The following CDADC1 variants were observed in gnomAD, a reference collection of about 807,000 sequenced individuals.
CDADC1 encodes cytidine and dCMP deaminase domain containing 1.
A neutral mutation model predicts 54.9 loss-of-function variants in CDADC1; 39 were observed. The ratio of observed to expected loss-of-function variants is 0.71; its 90% CI spans 0.55 to 0.93. The LOEUF is 0.93. CDADC1 is among the 40% of genes least tolerant of loss of function. The pLI is 0.00. For synonymous variants in CDADC1, 186 were observed against 204.0 expected, an observed-to-expected ratio of 0.91 and a Z score of 0.75; for missense variants, 518 against 618.8, an observed-to-expected ratio of 0.84 and a Z score of 1.73.
intron 2 of CDADC1, among the ~76,000 whole-genome samples, chr13:49,252,429 A>G (rs1012021488): frequency 1.3e-5 from 2 of 152,212 alleles, no homozygotes; most frequent in Non-Finnish European, 1.5e-5. Context: ...TGTGTTTTAA[A>G]TTCCGAAAAG....
At chr13:49,276,452 C>T (rs1953136283) in intron 6 of CDADC1, among the ~76,000 whole-genome samples, 1 of 152,112 alleles carries the variant, frequency 6.6e-6, no homozygotes, top group Admixed American at 6.5e-5. Context: ...AAAGGTGAGC[C>T]TACATTTTGC....
At chr13:49,248,745 C>T in intron 1 of CDADC1, 126 bp from the exon 2 acceptor site, 2 of 694,142 alleles carry the variant, frequency 2.9e-6, no homozygotes, top group Non-Finnish European at 5.2e-6. Context: ...CTCTTGTCCC[C>T]TATCTTTTTC....
At chr13:49,264,281 A>G (rs1208890242) in intron 4 of CDADC1, among the ~76,000 whole-genome samples, 1 of 152,226 alleles carries the variant, frequency 6.6e-6, no homozygotes, top group Non-Finnish European at 1.5e-5. Context: ...GAAATTATGC[A>G]TGATTATATA....
chr13:49,286,988 C>T (rs1407984185), intron 9 of CDADC1, among the ~76,000 whole-genome samples: 1 of 152,138 alleles, frequency 6.6e-6, no homozygotes, highest in African/African-American at 2.4e-5. Context: ...ATCAGGAGTT[C>T]GAGATCAGCT....
Position 49,291,670 on chromosome 13 carries a change from A to G in CDADC1, c.1472-14A>G. The G allele has an allele frequency of 6.2e-7, 1 of 1,612,196 alleles. No individual in the cohort carries two copies. Among genetic ancestry groups the G allele is most frequent in the Non-Finnish European group, 8.5e-7 (1 of 1,179,332 alleles). ...AATGAAGCTGTCCTGACCTAGCGTTATTCTCAATGCTAGATGGTGTGTTGA... is the reference window on the plus strand; with the variant it reads ...AATGAAGCTGTCCTGACCTAGCGTTGTTCTCAATGCTAGATGGTGTGTTGA... On this transcript the variant is annotated splice_polypyrimidine_tract_variant and intron_variant, in intron 9 of 9. Coordinates refer to ENST00000251108, the MANE Select transcript of CDADC1 (RefSeq NM_030911.4).
chr13:49,247,976 A>G lies in CDADC1; in HGVS notation c.-62A>G, dbSNP rs1214752868. The G allele has an allele frequency of 1.0e-5, 15 of 1,453,282 alleles. No individual in the cohort carries two copies. In the East Asian group the frequency reaches 3.7e-4, roughly 36 times the overall value. The allele number at this position is 1,453,282 out of a possible 1,614,324, so 90.0% of individuals were successfully genotyped here. ...AGAGGAGGCGAGAGGCGGGGGCGCT[A>G]GGGCCGAGATCATGTCTGACTGGGA... On this transcript the variant is annotated 5_prime_UTR_variant, in exon 1 of 10. Coordinates refer to ENST00000251108, the MANE Select transcript of CDADC1 (RefSeq NM_030911.4).
At chr13:49,271,233 C>G (rs1293457645) in intron 5 of CDADC1, among the ~76,000 whole-genome samples, 1 of 108,646 alleles carries the variant, frequency 9.2e-6, no homozygotes, top group East Asian at 2.7e-4. Context: ...CTAGAATACC[C>G]GAAGGTAGCA....
At chr13:49,289,750 G>C (rs112711346) in intron 9 of CDADC1, among the ~76,000 whole-genome samples, 1 of 152,250 alleles carries the variant, frequency 6.6e-6, no homozygotes, top group African/African-American at 2.4e-5. Flanking sequence ...ACCATATATT[G>C]GTTAAATGTG....
intron 4 of CDADC1, among the ~76,000 whole-genome samples, chr13:49,263,330 C>G (rs932335223): frequency 6.6e-6 from 1 of 152,144 alleles, no homozygotes. Context: ...CACTTAGACT[C>G]TTTTGATGGG....
chr13:49,277,277 C>T (rs1022683695), intron 6 of CDADC1, among the ~76,000 whole-genome samples: 1 of 151,638 alleles, frequency 6.6e-6, no homozygotes, highest in African/African-American at 2.4e-5. Flanking sequence ...CCAAGACAAT[C>T]CTGGGCATCA....
intron 2 of CDADC1, among the ~76,000 whole-genome samples, chr13:49,252,681 A>G (rs1242931271): frequency 6.6e-6 from 1 of 152,192 alleles, no homozygotes; most frequent in Non-Finnish European, 1.5e-5. Flanking sequence ...TAGCTGCAAC[A>G]TTTTTAAAAA....
intron 4 of CDADC1, among the ~76,000 whole-genome samples, chr13:49,263,193 G>T (rs1248220821): frequency 6.6e-6 from 1 of 152,198 alleles, no homozygotes; most frequent in Non-Finnish European, 1.5e-5. Flanking sequence ...TGAAAATATA[G>T]TGAACCTGTC....
At chr13:49,287,817 CA>C (rs1384072164) in intron 9 of CDADC1, among the ~76,000 whole-genome samples, 1 of 151,758 alleles carries the variant, frequency 6.6e-6, no homozygotes, top group East Asian at 1.9e-4. Flanking sequence ...ACAAAAAATA[CA>C]AAAATTAGCC....
At chr13:49,261,401 CA>C (rs1355544429) in intron 4 of CDADC1, among the ~76,000 whole-genome samples, 1 of 152,130 alleles carries the variant, frequency 6.6e-6, no homozygotes, top group African/African-American at 2.4e-5. Flanking sequence ...GCATTTTTTT[CA>C]CCTTTTCCCA....
chr13:49,275,797 T>G (rs1300921507), intron 6 of CDADC1, among the ~76,000 whole-genome samples: 1 of 107,932 alleles, frequency 9.3e-6, no homozygotes, highest in African/African-American at 3.6e-5. Flanking sequence ...AGAGAGAGAG[T>G]CTCACTCTGT....
At position 49,275,689 on chromosome 13, in the gene CDADC1, T is replaced by TTA. The variant is rs371106804; in HGVS notation, c.1050+1386_1050+1387dup. 8.6e-3 allele frequency among the ~76,000 whole-genome samples: 372 copies of TTA among 43,086 alleles called. 7 individuals are homozygous for TTA. The highest frequency in any genetic ancestry group is 0.011 in the African/African-American group (114 of 10,332). The allele number at this position is 43,086 out of a possible 152,430, so 28.3% of individuals were successfully genotyped here. On this transcript the variant is annotated intron_variant, in intron 6 of 9. Coordinates refer to ENST00000251108, the MANE Select transcript of CDADC1 (RefSeq NM_030911.4). ...AACTGAATTTTAAATTTTCTAGGTGTTATATATATATATATATATATATAT... is the reference window on the plus strand; with the variant it reads ...AACTGAATTTTAAATTTTCTAGGTGTTATATATATATATATATATATATATAT...
chr13:49,280,541 T>C lies in CDADC1; in HGVS notation c.1253T>C (p.Met418Thr), dbSNP rs1953290548. Reference protein sequence around the residue: ...CQEIKPEERSMIFVTKCPCDE... With the variant: ...CQEIKPEERSTIFVTKCPCDE... ...GAAATAAAACCAGAAGAAAGAAGCATGATTTTTGTGACAAAGTGCCCATGT... is the reference window on the plus strand; with the variant it reads ...GAAATAAAACCAGAAGAAAGAAGCACGATTTTTGTGACAAAGTGCCCATGT... The change falls in exon 8 of 10, where the codon ATG becomes ACG. Residue 418 changes from methionine to threonine, a missense_variant. Physicochemically the swap from Met to Thr is moderately conservative, Grantham distance 81 (BLOSUM62 -1). Transcript: ENST00000251108. 1 of 1,456,476 alleles carries C rather than the reference T, an allele frequency of 6.9e-7. No homozygotes were observed. Among genetic ancestry groups the C allele is most frequent in the Admixed American group, 2.4e-5 (1 of 41,050 alleles). The allele number at this position is 1,456,476 out of a possible 1,614,324, so 90.2% of individuals were successfully genotyped here.
rs1239585026 is a variant in CDADC1 at position 49,261,161 on chromosome 13, G to A, written c.430+1638G>A. 2.0e-5 allele frequency among the ~76,000 whole-genome samples: 3 copies of A among 152,346 alleles called. No individual in the cohort carries two copies. In the East Asian group the frequency reaches 5.8e-4, roughly 29 times the overall value. ...GTTCCTAGGCCTGTTGTGAGAAAGA[G>A]CTATTTTTATTTACAGCAAAGCCTT... On this transcript the variant is annotated intron_variant, in intron 4 of 9. Coordinates refer to ENST00000251108, the MANE Select transcript of CDADC1 (RefSeq NM_030911.4).
chr13:49,275,712 TATATATATATATATAGAGAGAGAGAGAG>T (rs1566369829), intron 6 of CDADC1, among the ~76,000 whole-genome samples: 60 of 89,910 alleles, frequency 6.7e-4, no homozygotes, highest in Admixed American at 3.4e-3. Context: ...TATATATATA[TATATATATATATATAGAGAGAGAGAGAG>T]AGAGAGAGAG....
Sources: allele counts gnomAD v4.1 joint callset (sites outside exome capture counted in the v4.1 genomes callset), GRCh38; gene constraint gnomAD v4.1.1; transcripts MANE v1.5; gene names NCBI Gene and HGNC (gene_info 2026-07-23, HGNC 2026-07-21).